SPOP: variants seen among roughly 807,000 people sequenced by gnomAD.
SPOP encodes speckle type BTB/POZ protein.
A neutral mutation model predicts 45.6 loss-of-function variants in SPOP; 11 were observed. The observed-to-expected ratio is 0.24, with a 90% CI of 0.15 to 0.40. The LOEUF is 0.40. SPOP is among the 10% of genes least tolerant of loss of function. The probability of loss-of-function intolerance (pLI) is 1.00; values close to 1 mark genes in which losing one functional copy is unlikely to be tolerated. For missense variants in SPOP, 152 were observed against 465.6 expected (o/e 0.33, Z 6.20); for synonymous variants, 166 against 166.3 (o/e 1.00, Z 0.01).
At chr17:49,637,773 G>T (rs758067086) in intron 1 of SPOP, among the ~76,000 whole-genome samples, 2 of 152,198 alleles carry the variant, frequency 1.3e-5, no homozygotes. Flanking sequence ...AATGCTTAAA[G>T]AATTATTATA....
At chr17:49,603,594 T>C (rs954318005) in intron 8 of SPOP, among the ~76,000 whole-genome samples, 1 of 152,256 alleles carries the variant, frequency 6.6e-6, no homozygotes, top group African/African-American at 2.4e-5. Flanking sequence ...CCCAGGAGAC[T>C]GGAAAAGCTT....
chr17:49,607,980 T>C lies in SPOP; in HGVS notation c.659-51A>G, dbSNP rs780928808. 4.5e-6 allele frequency: 7 copies of C among 1,542,882 alleles called. No homozygotes were observed. In the East Asian group the frequency reaches 9.1e-5, roughly 20 times the overall value. ...GATAAGGCTATCACAGTGAAATCTCTTGGTTGTTGCCAGTCATGAGGGAGA... is the reference window on the plus strand; with the variant it reads ...GATAAGGCTATCACAGTGAAATCTCCTGGTTGTTGCCAGTCATGAGGGAGA... On this transcript the variant is annotated intron_variant, in intron 6 of 9. Coordinates refer to ENST00000504102, the MANE Select transcript of SPOP (RefSeq NM_001007228.2).
intron 1 of SPOP, among the ~76,000 whole-genome samples, chr17:49,634,378 T>C (rs1469887355): frequency 6.6e-6 from 1 of 152,224 alleles, no homozygotes; most frequent in Non-Finnish European, 1.5e-5. Context: ...TGAGAAAATT[T>C]ACTTATTCTA....
chr17:49,654,559 C>A (rs759817524), intron 1 of SPOP, among the ~76,000 whole-genome samples: 2 of 152,024 alleles, frequency 1.3e-5, no homozygotes, highest in Non-Finnish European at 2.9e-5. Context: ...CCGAGGCCAG[C>A]GGATTGCCTG....
At chr17:49,618,611 C>T in intron 5 of SPOP, 1 of 460,588 alleles carries the variant, frequency 2.2e-6, no homozygotes, top group South Asian at 1.6e-5. Flanking sequence ...CACACATGGC[C>T]CTCACACTTA....
intron 1 of SPOP, among the ~76,000 whole-genome samples, chr17:49,652,009 A>T (rs572329902): frequency 2.0e-5 from 3 of 151,698 alleles, no homozygotes; most frequent in Non-Finnish European, 4.4e-5. Flanking sequence ...ACAGAGTGAC[A>T]TTCTCAAAAA....
chr17:49,618,827 T>C (rs567474992), intron 5 of SPOP, among the ~76,000 whole-genome samples, 154 bp downstream of exon 5: 115 of 152,308 alleles, frequency 7.6e-4, no homozygotes, highest in African/African-American at 2.7e-3. Context: ...CTTGAAATCA[T>C]CAGGTAGCTC....
chr17:49,646,082 T>C (rs548154064), intron 1 of SPOP: 3 of 152,362 alleles, frequency 2.0e-5, no homozygotes, highest in Admixed American at 1.3e-4. Context: ...AATAAAGCTC[T>C]AATTGCCAAA....
chr17:49,647,826 C>A (rs2072784973), intron 1 of SPOP, among the ~76,000 whole-genome samples: 1 of 152,116 alleles, frequency 6.6e-6, no homozygotes, highest in Non-Finnish European at 1.5e-5. Flanking sequence ...TGCCTTAGCA[C>A]CTAATCATCA....
chr17:49,645,358 G>A (rs2072736442), intron 1 of SPOP, among the ~76,000 whole-genome samples: 1 of 151,512 alleles, frequency 6.6e-6, no homozygotes, highest in East Asian at 1.9e-4. Flanking sequence ...GGAGTACAGT[G>A]ATTCGATCTC....
rs889337576 is a variant in SPOP, at chr17:49,645,306, C to CT, written c.-66-22431dup. On this transcript the variant is annotated intron_variant, in intron 1 of 9. Coordinates refer to ENST00000504102, the MANE Select transcript of SPOP (RefSeq NM_001007228.2). ...GAAAGCACATCTTCTTTCTTTCCTT[C>CT]TTTTTTTTTTTGAGACGGGGTCTCC... Among the ~76,000 whole-genome samples the CT allele has an allele frequency of 2.7e-3, 400 of 146,426 alleles. 1 individual carries two copies. The highest frequency in any genetic ancestry group is 7.6e-3 in the African/African-American group (305 of 40,190).
chr17:49,641,755 C>T lies in SPOP; in HGVS notation c.-66-18879G>A, dbSNP rs114576278. Among the ~76,000 whole-genome samples the T allele has an allele frequency of 5.1e-3, 772 of 152,220 alleles. 4 individuals carry two copies. Among genetic ancestry groups the T allele is most frequent in the African/African-American group, 0.018 (734 of 41,534 alleles). On this transcript the variant is annotated intron_variant, in intron 1 of 9. Transcript: ENST00000504102. Reference sequence around the variant, plus strand: ...GTGTAATAGTGGCCAGGCACGGTGGCTCACGCCTAAAATCCCAGCGCTTTG... The same window carrying T: ...GTGTAATAGTGGCCAGGCACGGTGGTTCACGCCTAAAATCCCAGCGCTTTG...
Position 49,619,523 on chromosome 17 carries a change from T to G in SPOP, c.201-138A>C, listed in dbSNP as rs75745130. On this transcript the variant is annotated intron_variant, in intron 3 of 9. Transcript: ENST00000504102. The surrounding 1 kb of genome is among the most constrained non-coding windows in gnomAD (Gnocchi z 4.9). Reference sequence around the variant, plus strand: ...AATATAATTCAGTAGAATGACTAGTTGGGAACAACTTTTTTCTCTTTTTTT... The same window carrying G: ...AATATAATTCAGTAGAATGACTAGTGGGGAACAACTTTTTTCTCTTTTTTT... 4,696 of 989,486 alleles carry G rather than the reference T, an allele frequency of 4.7e-3. 243 individuals are homozygous for G. In the East Asian group the frequency reaches 0.11, roughly 22 times the overall value. 61.3% of individuals were successfully genotyped at this position (989,486 alleles called of 1,614,324 possible).
chr17:49,676,454 T>C (rs1401889490), intron 1 of SPOP, among the ~76,000 whole-genome samples: 2 of 152,108 alleles, frequency 1.3e-5, no homozygotes, highest in Non-Finnish European at 2.9e-5. Context: ...GAAAAATACA[T>C]ATACTTTAAG....
intron 5 of SPOP, among the ~76,000 whole-genome samples, chr17:49,612,304 G>T (rs1484595044): frequency 6.6e-6 from 1 of 152,198 alleles, no homozygotes; most frequent in East Asian, 1.9e-4. Flanking sequence ...TTAGTTTAAT[G>T]AACATGACAT....
rs575145053 is a variant in SPOP, at chr17:49,612,475, T to C, written c.481-1018A>G. ...CACTTATAGCTTTGGAAGATAATGA[T>C]GACAATAGGTTTATAAAGGAATCCC... On this transcript the variant is annotated intron_variant, in intron 5 of 9. Coordinates refer to ENST00000504102, the MANE Select transcript of SPOP (RefSeq NM_001007228.2). 7.2e-5 allele frequency among the ~76,000 whole-genome samples: 11 copies of C among 152,310 alleles called. No individual in the cohort carries two copies. The South Asian group carries it at 2.1e-3, about 29-fold the overall frequency.
At chr17:49,652,820 C>A (rs1208251918) in intron 1 of SPOP, among the ~76,000 whole-genome samples, 1 of 152,136 alleles carries the variant, frequency 6.6e-6, no homozygotes, top group Non-Finnish European at 1.5e-5. Context: ...AAATATATTT[C>A]TAAGGGATTG....
chr17:49,648,175 A>G (rs1253005904), intron 1 of SPOP, among the ~76,000 whole-genome samples: 1 of 152,162 alleles, frequency 6.6e-6, no homozygotes, highest in Non-Finnish European at 1.5e-5. Flanking sequence ...CTGGTTTCTA[A>G]TTGATCTCCC....
At chr17:49,637,995 G>A (rs770314992) in intron 1 of SPOP, among the ~76,000 whole-genome samples, 8 of 152,176 alleles carry the variant, frequency 5.3e-5, no homozygotes, top group African/African-American at 1.7e-4. Context: ...GCAGGCACAC[G>A]CCACCATGCC....
Sources: gnomAD v4.1 joint callset for allele counts (sites outside exome capture counted in the v4.1 genomes callset) on GRCh38, gnomAD v4.1.1 for gene constraint, Gnocchi (gnomAD v3.1) non-coding constraint, MANE v1.5 for transcripts, NCBI Gene and HGNC (gene_info 2026-07-23, HGNC 2026-07-21) for gene names.